IQCM: variants seen among roughly 807,000 people sequenced by gnomAD.
IQCM encodes the protein IQ motif containing M.
IQCM carries 45 observed loss-of-function variants against 57.6 expected under a neutral mutation model. That is an observed-to-expected ratio of 0.78 (90% CI 0.62 to 1.00). The LOEUF (loss-of-function observed/expected upper bound fraction) is 1.00. Among genes scored for constraint, IQCM ranks in the 50% least tolerant of loss-of-function variants. IQCM has a pLI of 0.00. For missense variants in IQCM, 468 were observed against 511.6 expected (o/e 0.91, Z 0.82); for synonymous variants, 148 against 158.9 (o/e 0.93, Z 0.51).
At position 149,548,515 on chromosome 4, in the gene IQCM, C is replaced by T. The variant is rs998612714; in HGVS notation, c.1168G>A (p.Asp390Asn). 27 of 1,231,706 alleles carry T rather than the reference C, an allele frequency of 2.2e-5. No homozygotes were observed. The highest frequency in any genetic ancestry group is 2.7e-5 in the Non-Finnish European group (27 of 987,724). The allele number at this position is 1,231,706 out of a possible 1,614,324, so 76.3% of individuals were successfully genotyped here. The change falls in exon 12 of 14, where the codon GAC (aspartate) becomes AAC (asparagine). Residue 390 changes from aspartate (D) to asparagine (N), a missense_variant. By Grantham distance (23) the Asp-to-Asn change is conservative (BLOSUM62 1). Coordinates refer to ENST00000636793, the MANE Select transcript of IQCM (RefSeq NM_001363507.2). ...ERNELPNFFS[D>N]CGHFPTQKQV... Reference sequence around the variant, plus strand: ...TTCTGAGTTGGGAAATGACCACAGTCACTGAAGAAATTGGGGAGCTCATTT... The same window carrying T: ...TTCTGAGTTGGGAAATGACCACAGTTACTGAAGAAATTGGGGAGCTCATTT...
intron 9 of IQCM, among the ~76,000 whole-genome samples, chr4:149,575,833 T>C (rs1751590700): frequency 6.8e-6 from 1 of 146,116 alleles, no homozygotes; most frequent in South Asian, 2.2e-4. Context: ...GAATCAGGCA[T>C]GGGTGCAGGA....
At chr4:149,461,233 C>CAAAA (rs61429806) in intron 12 of IQCM, among the ~76,000 whole-genome samples, 2 of 71,918 alleles carry the variant, frequency 2.8e-5, no homozygotes, top group Non-Finnish European at 5.3e-5. Context: ...AACTCCATCT[C>CAAAA]AAAAAAAAAA....
chr4:149,450,055 C>T (rs919428070), intron 12 of IQCM, among the ~76,000 whole-genome samples: 2 of 151,678 alleles, frequency 1.3e-5, no homozygotes, highest in African/African-American at 4.8e-5. Flanking sequence ...AACAAATCCA[C>T]ACATCTATAG....
chr4:149,495,218 T>C (rs1177247204), intron 12 of IQCM, among the ~76,000 whole-genome samples: 1 of 152,120 alleles, frequency 6.6e-6, no homozygotes, highest in Non-Finnish European at 1.5e-5. Flanking sequence ...TCTTATGGCA[T>C]GGATATTGTC....
At chr4:149,443,682 AG>A (rs1473125155) in intron 12 of IQCM, among the ~76,000 whole-genome samples, 1 of 105,920 alleles carries the variant, frequency 9.4e-6, no homozygotes, top group Non-Finnish European at 2.2e-5. Flanking sequence ...AGGAAAGGAA[AG>A]GAAAGGAAAG....
intron 12 of IQCM, among the ~76,000 whole-genome samples, chr4:149,456,397 A>G (rs1393876666): frequency 6.6e-6 from 1 of 152,096 alleles, no homozygotes. Context: ...GAATATTTGC[A>G]TATACAAAAT....
intron 13 of IQCM, among the ~76,000 whole-genome samples, chr4:149,393,886 G>A (rs1315889436): frequency 6.6e-6 from 1 of 151,986 alleles, no homozygotes; most frequent in Non-Finnish European, 1.5e-5. Context: ...AGTCTGAGAT[G>A]CAAGAAGAAT....
At chr4:149,516,677 G>A (rs1745003454) in intron 12 of IQCM, among the ~76,000 whole-genome samples, 1 of 152,082 alleles carries the variant, frequency 6.6e-6, no homozygotes, top group Non-Finnish European at 1.5e-5. Flanking sequence ...AAGTAGAAGT[G>A]GAAGTGGCAC....
At chr4:149,362,585 C>G (rs1485296284) in intron 13 of IQCM, among the ~76,000 whole-genome samples, 2 of 152,102 alleles carry the variant, frequency 1.3e-5, no homozygotes, top group African/African-American at 4.8e-5. Context: ...TTGCCACCAC[C>G]ATGTAAGAAG....
At chr4:149,523,609 G>A (rs1463964476) in intron 12 of IQCM, among the ~76,000 whole-genome samples, 2 of 152,200 alleles carry the variant, frequency 1.3e-5, no homozygotes, top group Admixed American at 1.3e-4. Context: ...AGACAAAGAG[G>A]AGAGCAGACA....
At chr4:149,571,256 A>G (rs1751130020) in intron 9 of IQCM, among the ~76,000 whole-genome samples, 1 of 152,134 alleles carries the variant, frequency 6.6e-6, no homozygotes, top group South Asian at 2.1e-4. Context: ...GTTTGTTAAC[A>G]TATGAATGAA....
intron 5 of IQCM, among the ~76,000 whole-genome samples, chr4:149,726,223 C>G (rs969590174): frequency 1.3e-5 from 2 of 152,016 alleles, no homozygotes; most frequent in Non-Finnish European, 2.9e-5. Context: ...TTATTTCACC[C>G]TTCTCCTTGC....
intron 5 of IQCM, among the ~76,000 whole-genome samples, chr4:149,728,386 C>T (rs896622325): frequency 6.6e-6 from 1 of 152,196 alleles, no homozygotes. Context: ...ATCTGTTTCC[C>T]TAGCTAGACC....
At chr4:149,506,644 TA>T (rs1743843371) in intron 12 of IQCM, among the ~76,000 whole-genome samples, 1 of 152,098 alleles carries the variant, frequency 6.6e-6, no homozygotes, top group Non-Finnish European at 1.5e-5. Context: ...AGGTAGAATA[TA>T]AAAAGCCATA....
chr4:149,657,171 C>T (rs895056150), intron 7 of IQCM, among the ~76,000 whole-genome samples: 11 of 152,138 alleles, frequency 7.2e-5, no homozygotes, highest in African/African-American at 2.4e-4. Context: ...TCCTCCACCT[C>T]CCGCCTACCC....
At position 149,563,832 on chromosome 4, in the gene IQCM, G is replaced by A. The variant is rs1372098240; in HGVS notation, c.808C>T (p.Pro270Ser). Residue 270 changes from proline to serine, a missense_variant, in exon 10 of 14, where the codon CCA becomes TCA. Pro to Ser is a moderately conservative substitution (Grantham distance 74, BLOSUM62 -1). Transcript: ENST00000636793. Reference protein sequence around the residue: ...KLDSKVKRIGPHIEIFQVFRE... With the variant: ...KLDSKVKRIGSHIEIFQVFRE... ...AACACTTGGAAGATTTCTATGTGTG[G>A]TCCAATTCTTTTAACTTTACTGTCA... 2 of 1,231,452 alleles carry A rather than the reference G, an allele frequency of 1.6e-6. No individual in the cohort carries two copies. Among genetic ancestry groups the A allele is most frequent in the Non-Finnish European group, 2.0e-6 (2 of 987,608 alleles). The allele number at this position is 1,231,452 out of a possible 1,614,324, so 76.3% of individuals were successfully genotyped here.
intron 12 of IQCM, among the ~76,000 whole-genome samples, chr4:149,507,406 G>C (rs1180197298): frequency 6.6e-6 from 1 of 152,174 alleles, no homozygotes; most frequent in Non-Finnish European, 1.5e-5. Flanking sequence ...GAATGGCTTT[G>C]CCCAAAATGC....
chr4:149,703,403 G>A (rs959703743), intron 5 of IQCM, among the ~76,000 whole-genome samples: 1 of 151,838 alleles, frequency 6.6e-6, no homozygotes, highest in Admixed American at 6.6e-5. Context: ...TAGATTGTTT[G>A]GAGGAGGGCT....
intron 12 of IQCM, among the ~76,000 whole-genome samples, chr4:149,434,940 C>T (rs980561402): frequency 2.0e-5 from 3 of 152,004 alleles, no homozygotes; most frequent in African/African-American, 7.2e-5. Flanking sequence ...CATCACCCTA[C>T]AGAGTTTGCC....
Sources: gnomAD v4.1 joint callset for allele counts (sites outside exome capture counted in the v4.1 genomes callset) on GRCh38, gnomAD v4.1.1 for gene constraint, MANE v1.5 for transcripts, NCBI Gene and HGNC (gene_info 2026-07-23, HGNC 2026-07-21) for gene names.